Variants in EMILIN2 observed in about 807,000 individuals in gnomAD.
EMILIN2 encodes EMILIN-2.
EMILIN2 carries 71 observed loss-of-function variants against 87.1 expected under a neutral mutation model. The ratio of observed to expected loss-of-function variants is 0.82; its 90% confidence interval spans 0.67 to 0.99. The LOEUF is 0.99. Among genes scored for constraint, EMILIN2 ranks in the 50% least tolerant of loss-of-function variants. EMILIN2 has a pLI of 0.00. For missense variants in EMILIN2, 1,407 were observed against 1,371.8 expected, an observed-to-expected ratio of 1.03 and a Z score of -0.40; for synonymous variants, 581 against 563.4, an observed-to-expected ratio of 1.03 and a Z score of -0.44.
At position 2,915,195 on chromosome 18, in the gene EMILIN2, C is replaced by T. The variant is rs1568490992; in HGVS notation, c.*1791C>T. 3 of 152,414 alleles carry T rather than the reference C, an allele frequency of 2.0e-5. No homozygotes were observed. The South Asian group carries it at 6.2e-4, about 32-fold the overall frequency. The allele number at this position is 152,414 out of a possible 1,614,324, so 9.4% of individuals were successfully genotyped here. A position where few individuals can be genotyped will look rare whatever the true frequency, so the allele number is the denominator to read the frequency against. On this transcript the variant is annotated 3_prime_UTR_variant, in exon 8 of 8. Coordinates refer to ENST00000254528, the MANE Select transcript of EMILIN2 (RefSeq NM_032048.3). The stretch of plus-strand genomic sequence containing the variant: ...GAACATCGGGTAAAACCCAGTCCTC[C>T]TCTCAGTGCATCTCTACTCACCAAC...
intron 2 of EMILIN2, among the ~76,000 whole-genome samples, chr18:2,879,136 G>A (rs1460987842): frequency 1.3e-5 from 2 of 152,138 alleles, no homozygotes; most frequent in Non-Finnish European, 2.9e-5. Context: ...AGAGAAGATG[G>A]GTTGATGGGG....
At position 2,913,193 on chromosome 18, in the gene EMILIN2, G is replaced by C; in HGVS notation, c.2951G>C (p.Gly984Ala). 6.2e-7 allele frequency: 1 copy of C among 1,613,998 alleles called. No individual in the cohort carries two copies. The highest frequency in any genetic ancestry group is 8.5e-7 in the Non-Finnish European group (1 of 1,180,024). The change falls in exon 8 of 8, where the codon GGG becomes GCG. Residue 984 changes from glycine to alanine, a missense_variant. Transcript: ENST00000254528. ...NASVAQLHTA[G>A]YRREFLEYHR... Reference sequence around the variant, plus strand: ...AGCGTGGCCCAGCTGCATACCGCTGGGTACAGGAGAGAGTTCCTGGAATAC... The same window carrying C: ...AGCGTGGCCCAGCTGCATACCGCTGCGTACAGGAGAGAGTTCCTGGAATAC...
intron 3 of EMILIN2, among the ~76,000 whole-genome samples, chr18:2,887,699 C>T (rs974643415): frequency 6.6e-6 from 1 of 152,174 alleles, no homozygotes; most frequent in African/African-American, 2.4e-5. Flanking sequence ...GCCAAATAAA[C>T]CTCTTTTCTT....
intron 2 of EMILIN2, among the ~76,000 whole-genome samples, chr18:2,851,084 C>G (rs77657969): frequency 7.0e-6 from 1 of 143,544 alleles, no homozygotes; most frequent in East Asian, 2.0e-4. Flanking sequence ...GAAAAAGGCT[C>G]TGATGGAAAA....
Position 2,907,188 on chromosome 18 carries a change from C to CG in EMILIN2, c.2662+110dup, listed in dbSNP as rs1023606457. On this transcript the variant is annotated intron_variant, in intron 5 of 7. Coordinates refer to ENST00000254528, the MANE Select transcript of EMILIN2 (RefSeq NM_032048.3). Reference sequence around the variant, plus strand: ...GCGTGGCGGTTCGGGGTCCAGCCTTCGGGGGGGCAAGTTCCGAAATGCAGC... The same window carrying CG: ...GCGTGGCGGTTCGGGGTCCAGCCTTCGGGGGGGGCAAGTTCCGAAATGCAGC... The CG allele has an allele frequency of 4.4e-4, 506 of 1,159,222 alleles. 4 individuals carry two copies. The highest frequency in any genetic ancestry group is 2.6e-3 in the Middle Eastern group (8 of 3,024). 71.8% of individuals were successfully genotyped at this position (1,159,222 alleles called of 1,614,324 possible). A position where few individuals can be genotyped will look rare whatever the true frequency, so the allele number is the denominator to read the frequency against.
Position 2,907,025 on chromosome 18 carries a change from G to A in EMILIN2, c.2602G>A (p.Val868Met), listed in dbSNP as rs2076917402. The A allele has an allele frequency of 3.1e-6, 4 of 1,308,958 alleles. No homozygotes were observed. Among genetic ancestry groups the A allele is most frequent in the Admixed American group, 3.8e-5 (1 of 26,020 alleles). 81.1% of individuals were successfully genotyped at this position (1,308,958 alleles called of 1,614,324 possible). Residue 868 changes from valine (V) to methionine (M), a missense_variant, in exon 5 of 8, where the codon GTG (valine) becomes ATG (methionine). Val to Met is a conservative substitution (Grantham distance 21, BLOSUM62 1). Coordinates refer to ENST00000254528, the MANE Select transcript of EMILIN2 (RefSeq NM_032048.3). ...GTCTGGGCGGGGTCTGCCGCGGGGCGTGGACGGCCAGACCGGGAGCGGCAC... is the reference window on the plus strand; with the variant it reads ...GTCTGGGCGGGGTCTGCCGCGGGGCATGGACGGCCAGACCGGGAGCGGCAC... ...GVSGRGLPRG[V>M]DGQTGSGTVP...
intron 7 of EMILIN2, among the ~76,000 whole-genome samples, 174 bp downstream of exon 7, chr18:2,909,993 G>A (rs192586455): frequency 1.1e-4 from 17 of 152,354 alleles, no homozygotes; most frequent in African/African-American, 2.6e-4. Context: ...GGGCTTTCAC[G>A]TAGAACGTGT....
Position 2,913,562 on chromosome 18 carries a change from G to T in EMILIN2, c.*158G>T, listed in dbSNP as rs1011097759. 11 of 614,014 alleles carry T rather than the reference G, an allele frequency of 1.8e-5. No homozygotes were observed. Among genetic ancestry groups the T allele is most frequent in the Non-Finnish European group, 3.1e-5 (11 of 359,234 alleles). The allele number at this position is 614,014 out of a possible 1,614,324, so 38.0% of individuals were successfully genotyped here. A position where few individuals can be genotyped will look rare whatever the true frequency, so the allele number is the denominator to read the frequency against. On this transcript the variant is annotated 3_prime_UTR_variant, in exon 8 of 8. Coordinates refer to ENST00000254528, the MANE Select transcript of EMILIN2 (RefSeq NM_032048.3). ...GCTGTTGAGGCCACCATGCCTTACTGCATCCAGCCAGGCTGCAGGGAGTGA... is the reference window on the plus strand; with the variant it reads ...GCTGTTGAGGCCACCATGCCTTACTTCATCCAGCCAGGCTGCAGGGAGTGA...
At chr18:2,903,291 T>G (rs927953854) in intron 4 of EMILIN2, among the ~76,000 whole-genome samples, 28 of 152,176 alleles carry the variant, frequency 1.8e-4, no homozygotes, top group African/African-American at 6.0e-4. Flanking sequence ...AGGAGTCAAC[T>G]CAAGTGTGCT....
At chr18:2,854,436 C>T (rs774182731) in intron 2 of EMILIN2, among the ~76,000 whole-genome samples, 7 of 151,274 alleles carry the variant, frequency 4.6e-5, no homozygotes, top group Non-Finnish European at 8.8e-5. Flanking sequence ...GTTCAGTTGG[C>T]AGAAAATTTG....
rs1281294685 is a variant in EMILIN2, at chr18:2,915,539, G to A, written c.*2135G>A. 6.7e-6 allele frequency: 1 copy of A among 149,648 alleles called. No homozygotes were observed. The highest frequency in any genetic ancestry group is 3.4e-3 in the Middle Eastern group (1 of 290). 9.3% of individuals were successfully genotyped at this position (149,648 alleles called of 1,614,324 possible). ...AGTTCACAACTTTTTTTTTTTTTTG[G>A]GGGGAGACAGTCCTACTCTGTCGCC... On this transcript the variant is annotated 3_prime_UTR_variant, in exon 8 of 8. Coordinates refer to ENST00000254528, the MANE Select transcript of EMILIN2 (RefSeq NM_032048.3).
intron 3 of EMILIN2, among the ~76,000 whole-genome samples, chr18:2,889,434 G>A (rs528954197): frequency 2.0e-5 from 3 of 151,864 alleles, no homozygotes; most frequent in East Asian, 1.9e-4. Context: ...CATCATGGCT[G>A]GATGCAGTAT....
At chr18:2,862,695 G>A (rs906821577) in intron 2 of EMILIN2, among the ~76,000 whole-genome samples, 10 of 151,962 alleles carry the variant, frequency 6.6e-5, no homozygotes, top group Non-Finnish European at 1.5e-4. Context: ...TTTTTGTTGT[G>A]TCTCTGCCAG....
chr18:2,906,978 G>T lies in EMILIN2; in HGVS notation c.2555G>T (p.Gly852Val). ...GTCATCGCGGAGACGGGCCAGGCCG[G>T]GCCCCCCGCAGGCGCAGGCGTGTCT... ...TGVIAETGQA[G>V]PPAGAGVSGR... is the part of the protein sequence containing the mutation. The change falls in exon 5 of 8, where the codon GGG (glycine) becomes GTG (valine). Residue 852 changes from glycine to valine, a missense_variant. Coordinates refer to ENST00000254528, the MANE Select transcript of EMILIN2 (RefSeq NM_032048.3). 1 of 1,390,064 alleles carries T rather than the reference G, an allele frequency of 7.2e-7. No homozygotes were observed. The allele number at this position is 1,390,064 out of a possible 1,614,324, so 86.1% of individuals were successfully genotyped here. A position where few individuals can be genotyped will look rare whatever the true frequency, so the allele number is the denominator to read the frequency against.
intron 4 of EMILIN2, among the ~76,000 whole-genome samples, chr18:2,895,873 C>A (rs1233135288): frequency 6.6e-6 from 1 of 152,222 alleles, no homozygotes; most frequent in East Asian, 1.9e-4. Context: ...GTCATGATAT[C>A]TACCACAGTG....
At chr18:2,879,251 AGAT>A (rs1230137870) in intron 2 of EMILIN2, among the ~76,000 whole-genome samples, 1 of 152,140 alleles carries the variant, frequency 6.6e-6, no homozygotes, top group African/African-American at 2.4e-5. Flanking sequence ...GCGATGATGG[AGAT>A]GTTCACGCTG....
chr18:2,858,583 G>GTGTGTGTGTGTGTGTGTA (rs1180735843), intron 2 of EMILIN2, among the ~76,000 whole-genome samples: 1 of 63,042 alleles, frequency 1.6e-5, no homozygotes, highest in African/African-American at 9.3e-5. Context: ...GTGTGTGTGT[G>GTGTGTGTGTGTGTGTGTA]TATATATATA....
At chr18:2,884,863 C>T in intron 2 of EMILIN2, 101 bp from the exon 3 acceptor site, 1 of 1,287,962 alleles carries the variant, frequency 7.8e-7, no homozygotes, top group Non-Finnish European at 1.1e-6. Context: ...GGAGAGCAGG[C>T]AGGGTCCTGC....
At chr18:2,889,073 A>G (rs780509578) in intron 3 of EMILIN2, among the ~76,000 whole-genome samples, 44 of 146,162 alleles carry the variant, frequency 3.0e-4, no homozygotes, top group Non-Finnish European at 6.4e-4. Context: ...GTCAGTGTTA[A>G]CCTCTTTCAG....
Sources: allele counts gnomAD v4.1 joint callset (sites outside exome capture counted in the v4.1 genomes callset), GRCh38; gene constraint gnomAD v4.1.1; transcripts MANE v1.5; gene names NCBI Gene and HGNC (gene_info 2026-07-23, HGNC 2026-07-21).